DYNC2LI1: variants seen among roughly 807,000 people sequenced by gnomAD.
DYNC2LI1 encodes the protein dynein cytoplasmic 2 light intermediate chain 1, also known as cytoplasmic dynein 2 light intermediate chain 1.
A neutral mutation model predicts 51.9 loss-of-function variants in DYNC2LI1; 45 were observed. The observed-to-expected ratio is 0.87, with a 90% confidence interval of 0.68 to 1.11. The LOEUF is 1.11. Among genes scored for constraint, DYNC2LI1 ranks in the 50% most tolerant of loss-of-function variants. DYNC2LI1 has a pLI of 0.00. For missense variants in DYNC2LI1, 490 were observed against 417.4 expected, an observed-to-expected ratio of 1.17 and a Z score of -1.51; for synonymous variants, 130 against 137.8, an observed-to-expected ratio of 0.94 and a Z score of 0.40.
intron 4 of DYNC2LI1, among the ~76,000 whole-genome samples, chr2:43,789,251 T>C (rs544033355): frequency 1.2e-4 from 19 of 152,348 alleles, no homozygotes; most frequent in Non-Finnish European, 2.2e-4. Flanking sequence ...TCACCTGTTT[T>C]ATTTCTATCT....
chr2:43,822,358 C>T, the DYNC2LI1 span: 1 of 214,660 alleles, frequency 4.7e-6, no homozygotes, highest in Non-Finnish European at 8.0e-6. Flanking sequence ...CCCAATCCTG[C>T]TTCTCTTTCT....
the DYNC2LI1 span, chr2:43,824,288 G>T: frequency 1.2e-6 from 2 of 1,614,180 alleles, no homozygotes; most frequent in Non-Finnish European, 1.7e-6. Context: ...CATTGGTAAC[G>T]TTTTCAGGTG....
chr2:43,828,017 C>T, the DYNC2LI1 span: 1 of 1,614,100 alleles, frequency 6.2e-7, no homozygotes, highest in South Asian at 1.1e-5. Flanking sequence ...CGATGGAGAC[C>T]CGGCGCCGCT....
chr2:43,789,757 A>G (rs763433820), intron 5 of DYNC2LI1, 36 bp downstream of exon 5: 1 of 1,576,558 alleles, frequency 6.3e-7, no homozygotes, highest in Non-Finnish European at 8.7e-7. Context: ...CTGTAAGTAC[A>G]CAGGAGTGTC....
intron 2 of DYNC2LI1, among the ~76,000 whole-genome samples, chr2:43,781,092 C>A (rs778036587): frequency 1.3e-5 from 2 of 152,002 alleles, no homozygotes; most frequent in East Asian, 3.9e-4. Flanking sequence ...TAAGGCCAGG[C>A]GTGGTGGCTC....
chr2:43,775,070 G>A (rs995815589), intron 1 of DYNC2LI1, among the ~76,000 whole-genome samples: 7 of 151,992 alleles, frequency 4.6e-5, no homozygotes, highest in African/African-American at 7.3e-5. Context: ...AATAATTTTT[G>A]TAATTGTATA....
At chr2:43,784,291 C>T (rs1572699183) in intron 3 of DYNC2LI1, among the ~76,000 whole-genome samples, 2 of 152,194 alleles carry the variant, frequency 1.3e-5, no homozygotes, top group South Asian at 2.1e-4. Flanking sequence ...AACAGTAACA[C>T]CTGTATTATC....
At chr2:43,776,941 C>A (rs753728919) in intron 2 of DYNC2LI1, 42 bp downstream of exon 2, 6 of 1,025,904 alleles carry the variant, frequency 5.8e-6, no homozygotes, top group Non-Finnish European at 9.0e-6. Context: ...GATTTAACAA[C>A]CATTGGTAAA....
At chr2:43,823,473 C>T in the DYNC2LI1 span, among the ~76,000 whole-genome samples, 7 of 152,292 alleles carry the variant, frequency 4.6e-5, no homozygotes, top group Admixed American at 2.0e-4. Flanking sequence ...CTTCCTGCAA[C>T]GTTAGGCAAC....
At chr2:43,800,404 C>T (rs147145712) in intron 8 of DYNC2LI1, among the ~76,000 whole-genome samples, 70 of 152,286 alleles carry the variant, frequency 4.6e-4, no homozygotes, top group African/African-American at 1.5e-3. Context: ...GGCAGCAATA[C>T]GCCCTTGGAT....
At chr2:43,820,789 G>A in the DYNC2LI1 span, among the ~76,000 whole-genome samples, 1,869 of 152,194 alleles carry the variant, frequency 0.012, 45 homozygotes, top group African/African-American at 0.041. Flanking sequence ...AAGTAGCTGG[G>A]ATTACAGGTG....
chr2:43,800,726 G>A (rs1226123902), intron 8 of DYNC2LI1, 115 bp from the exon 9 acceptor site: 2 of 514,282 alleles, frequency 3.9e-6, no homozygotes, highest in Non-Finnish European at 6.7e-6. Context: ...TATTTGCTGG[G>A]CAACAAAACA....
At chr2:43,788,395 A>T (rs1673621823) in intron 4 of DYNC2LI1, among the ~76,000 whole-genome samples, 1 of 151,966 alleles carries the variant, frequency 6.6e-6, no homozygotes, top group Non-Finnish European at 1.5e-5. Flanking sequence ...AACTTGTGTA[A>T]TTTTTTTTCT....
In DYNC2LI1 at chr2:43,778,660, C is replaced by T. The variant is rs1214918652; in HGVS notation, c.126+1761C>T. ...GTACACAGAATATTAGATAGAATGG[C>T]TTATACTAATGGTACTGATTACTGA... is the stretch of plus-strand genomic sequence containing the variant. On this transcript the variant is annotated intron_variant, in intron 2 of 12. Coordinates refer to ENST00000260605, the MANE Select transcript of DYNC2LI1 (RefSeq NM_016008.4). Among the ~76,000 whole-genome samples the T allele has an allele frequency of 2.6e-5, 4 of 152,094 alleles. No homozygotes were observed. The East Asian group carries it at 5.8e-4, about 22-fold the overall frequency.
chr2:43,810,431 T>C, downstream of DYNC2LI1: 1 of 985,382 alleles, frequency 1.0e-6, no homozygotes, highest in Non-Finnish European at 1.2e-6. Context: ...CATCATGTGT[T>C]GCGGATAACC....
the DYNC2LI1 span, chr2:43,824,015 G>A: frequency 7.4e-6 from 12 of 1,614,038 alleles, no homozygotes; most frequent in South Asian, 2.2e-5. Context: ...ACATTGCTTC[G>A]GACCCGCAGA....
chr2:43,791,372 T>C (rs1673776117), intron 5 of DYNC2LI1, among the ~76,000 whole-genome samples: 1 of 152,294 alleles, frequency 6.6e-6, no homozygotes. Flanking sequence ...ACTCCCCTTC[T>C]TGAAGCCCAA....
At chr2:43,794,243 AC>A in intron 5 of DYNC2LI1, 1 of 435,374 alleles carries the variant, frequency 2.3e-6, no homozygotes, top group East Asian at 3.5e-5. Flanking sequence ...ACTTAGTTCC[AC>A]TATTGTAACA....
At chr2:43,777,800 G>T (rs1029887024) in intron 2 of DYNC2LI1, among the ~76,000 whole-genome samples, 6 of 152,162 alleles carry the variant, frequency 3.9e-5, no homozygotes, top group African/African-American at 1.4e-4. Context: ...ACCCTCCATT[G>T]GGGGTTTTAT....
Sources: gnomAD v4.1 joint callset for allele counts (sites outside exome capture counted in the v4.1 genomes callset) on GRCh38, gnomAD v4.1.1 for gene constraint, MANE v1.5 for transcripts, NCBI Gene and HGNC (gene_info 2026-07-23, HGNC 2026-07-21) for gene names.